Variants in SLCO3A1 observed in about 807,000 individuals in gnomAD.
SLCO3A1 encodes the protein PGE1 transporter.
SLCO3A1 carries 27 observed loss-of-function variants against 63.1 expected under a neutral mutation model. The observed-to-expected ratio is 0.43, with a 90% CI of 0.32 to 0.59. The LOEUF is 0.59. Among genes scored for constraint, SLCO3A1 ranks in the 20% least tolerant of loss-of-function variants. The probability of loss-of-function intolerance (pLI) is 0.09; values close to 1 mark genes in which losing one functional copy is unlikely to be tolerated. For synonymous variants in SLCO3A1, 473 were observed against 409.9 expected (o/e 1.15, Z -1.86); for missense variants, 773 against 945.8 (o/e 0.82, Z 2.40).
intron 4 of SLCO3A1, among the ~76,000 whole-genome samples, chr15:92,112,855 G>A (rs1010679756): frequency 5.3e-5 from 8 of 152,278 alleles, no homozygotes; most frequent in Admixed American, 6.5e-5. Context: ...TATGTCCATC[G>A]GGTATTTCAC....
chr15:91,994,673 T>C (rs1475975513), intron 2 of SLCO3A1, among the ~76,000 whole-genome samples: 1 of 150,852 alleles, frequency 6.6e-6, no homozygotes, highest in Non-Finnish European at 1.5e-5. Flanking sequence ...AATCACTTAT[T>C]GGAGCTTCTG....
rs148884537 is a variant in SLCO3A1 at position 91,954,186 on chromosome 15, G to T, written c.646+37728G>T. On this transcript the variant is annotated intron_variant, in intron 2 of 9. Coordinates refer to ENST00000318445, the MANE Select transcript of SLCO3A1 (RefSeq NM_013272.4). This position sits in a 1 kb window ranked among gnomAD's most constrained non-coding sequence, Gnocchi z 4.7. Reference sequence around the variant, plus strand: ...CTCCTAGACCTCTCTGCTCAAGGGTGTTAGAGACAGACCCCTAGGGGTTTC... The same window carrying T: ...CTCCTAGACCTCTCTGCTCAAGGGTTTTAGAGACAGACCCCTAGGGGTTTC... Among the ~76,000 whole-genome samples the T allele has an allele frequency of 3.8e-3, 576 of 152,338 alleles. 1 individual carries two copies. The highest frequency in any genetic ancestry group is 0.013 in the African/African-American group (545 of 41,584).
At chr15:91,926,601 G>A (rs769306719) in intron 2 of SLCO3A1, among the ~76,000 whole-genome samples, 21 of 148,006 alleles carry the variant, frequency 1.4e-4, no homozygotes, top group Admixed American at 1.0e-3. Context: ...GTGTGTGCGC[G>A]CGCGCACGCC....
rs555102852 is a variant in SLCO3A1, at chr15:92,088,022, C to G, written c.647-6859C>G. Among the ~76,000 whole-genome samples, 11 of 152,230 alleles carry G rather than the reference C, an allele frequency of 7.2e-5. No homozygotes were observed. In the East Asian group the frequency reaches 2.1e-3, roughly 29 times the overall value. ...CGAGTGGGAGAGTCCACAGCACAGA[C>G]AGAGACATCTGCAGAGGGACTTGGG... On this transcript the variant is annotated intron_variant, in intron 2 of 9. Transcript: ENST00000318445.
At chr15:92,052,487 G>T (rs2135853) in intron 2 of SLCO3A1, among the ~76,000 whole-genome samples, 117,052 of 152,054 alleles carry the variant, frequency 0.77, 45,297 homozygotes, top group Admixed American at 0.87. Context: ...GCCAGGCTAG[G>T]GAAAGAGTTC....
At position 92,027,211 on chromosome 15, in the gene SLCO3A1, G is replaced by T. The variant is rs559367775; in HGVS notation, c.647-67670G>T. On this transcript the variant is annotated intron_variant, in intron 2 of 9. Coordinates refer to ENST00000318445, the MANE Select transcript of SLCO3A1 (RefSeq NM_013272.4). ...AAGCCAAATAATGCATTACATTTTTGATAGGGTCGGTATTGTGACAATAAA... is the reference window on the plus strand; with the variant it reads ...AAGCCAAATAATGCATTACATTTTTTATAGGGTCGGTATTGTGACAATAAA... Among the ~76,000 whole-genome samples the T allele has an allele frequency of 1.2e-4, 18 of 152,246 alleles. No individual in the cohort carries two copies. The South Asian group carries it at 3.1e-3, about 26-fold the overall frequency.
chr15:92,047,594 ATATATAAT>A (rs1234993123), intron 2 of SLCO3A1, among the ~76,000 whole-genome samples: 1 of 8,510 alleles, frequency 1.2e-4, no homozygotes, highest in African/African-American at 9.0e-4. Flanking sequence ...TATATATATA[ATATATAAT>A]ATATATATAA....
intron 2 of SLCO3A1, among the ~76,000 whole-genome samples, chr15:91,990,709 A>G (rs1038036036): frequency 3.3e-5 from 5 of 151,714 alleles, no homozygotes; most frequent in African/African-American, 9.7e-5. Context: ...GCCTTTCCAG[A>G]TATTTTCTCT....
chr15:91,935,099 G>A (rs897078358), intron 2 of SLCO3A1, among the ~76,000 whole-genome samples: 6 of 152,122 alleles, frequency 3.9e-5, no homozygotes, highest in Admixed American at 1.3e-4. Flanking sequence ...GGCTACAGCC[G>A]TGTGCCACCA....
chr15:92,067,373 G>C (rs771756392), intron 2 of SLCO3A1, among the ~76,000 whole-genome samples: 1 of 152,026 alleles, frequency 6.6e-6, no homozygotes, highest in Non-Finnish European at 1.5e-5. Context: ...CAGCCCTCAC[G>C]TAGGTCATGT....
chr15:91,973,095 C>T (rs1372317168), intron 2 of SLCO3A1, among the ~76,000 whole-genome samples: 2 of 152,196 alleles, frequency 1.3e-5, no homozygotes, highest in Non-Finnish European at 1.5e-5. Flanking sequence ...AGTCTGGCAA[C>T]AGAGCAAGAC....
intron 1 of SLCO3A1, among the ~76,000 whole-genome samples, chr15:91,858,861 T>G (rs1896986199): frequency 6.6e-6 from 1 of 152,192 alleles, no homozygotes. Flanking sequence ...TCTTAGCAGA[T>G]TGGCCTGGAT....
rs1238272940 is a variant in SLCO3A1 at position 91,931,473 on chromosome 15, C to T, written c.646+15015C>T. 7.0e-5 allele frequency among the ~76,000 whole-genome samples: 10 copies of T among 142,764 alleles called. No individual in the cohort carries two copies. The East Asian group carries it at 1.4e-3, about 21-fold the overall frequency. The allele number at this position is 142,764 out of a possible 152,430, so 93.7% of individuals were successfully genotyped here. On this transcript the variant is annotated intron_variant, in intron 2 of 9. Coordinates refer to ENST00000318445, the MANE Select transcript of SLCO3A1 (RefSeq NM_013272.4). ...CCCTGCTTCTTCTGCTGGGTTGTAT[C>T]TTTTTTTTTTTTTTTGAGACAGAGT...
chr15:91,894,624 A>T lies in SLCO3A1; in HGVS notation c.181-21369A>T, dbSNP rs1897957572. Among the ~76,000 whole-genome samples the T allele has an allele frequency of 6.6e-6, 1 of 152,186 alleles. No homozygotes were observed. The highest frequency in any genetic ancestry group is 1.5e-5 in the Non-Finnish European group (1 of 68,018). On this transcript the variant is annotated intron_variant, in intron 1 of 9. Transcript: ENST00000318445. The surrounding 1 kb of genome is among the most constrained non-coding windows in gnomAD (Gnocchi z 4.8). ...TGGGGCTGAAGACCCGTGTAGCCCG[A>T]GGCAGCATTTTTGACTTGAATGTTC...
intron 1 of SLCO3A1, among the ~76,000 whole-genome samples, chr15:91,903,710 C>T (rs942202467): frequency 1.5e-4 from 23 of 152,170 alleles, no homozygotes; most frequent in African/African-American, 5.5e-4. Context: ...GCTTAGCCAC[C>T]ACGTGTCCAG....
In SLCO3A1 at chr15:91,853,992, A is replaced by G; in HGVS notation, c.84A>G (p.Lys28=). 1.3e-6 allele frequency: 2 copies of G among 1,538,372 alleles called. No individual in the cohort carries two copies. Among genetic ancestry groups the G allele is most frequent in the Non-Finnish European group, 1.8e-6 (2 of 1,141,896 alleles). Residue 28 remains lysine, a synonymous_variant, in exon 1 of 10, where the codon AAA becomes AAG. Coordinates refer to ENST00000318445, the MANE Select transcript of SLCO3A1 (RefSeq NM_013272.4). Reference sequence around the variant, plus strand: ...GGGACGAGGCGCAGAGGAACAAGAAAAAGAAAAAGAAGGTGTCCTGCTTTT... The same window carrying G: ...GGGACGAGGCGCAGAGGAACAAGAAGAAGAAAAAGAAGGTGTCCTGCTTTT... ...LQGDEAQRNK[K]KKKKVSCFSN...
chr15:91,883,531 C>T lies in SLCO3A1; in HGVS notation c.180+29443C>T, dbSNP rs1040294488. Among the ~76,000 whole-genome samples the T allele has an allele frequency of 2.0e-5, 3 of 152,154 alleles. No individual in the cohort carries two copies. Among genetic ancestry groups the T allele is most frequent in the Non-Finnish European group, 4.4e-5 (3 of 68,036 alleles). ...GCATTTTCTTGCATGCAGTAGTCTT[C>T]CATAGGGAGTTCTACCTCTCAGGTA... On this transcript the variant is annotated intron_variant, in intron 1 of 9. Coordinates refer to ENST00000318445, the MANE Select transcript of SLCO3A1 (RefSeq NM_013272.4). The surrounding 1 kb of genome is among the most constrained non-coding windows in gnomAD (Gnocchi z 4.8).
chr15:92,119,555 G>A (rs896229097), intron 4 of SLCO3A1, among the ~76,000 whole-genome samples: 1 of 152,182 alleles, frequency 6.6e-6, no homozygotes. Flanking sequence ...TCTACAGGCA[G>A]AGCATTCTTG....
intron 2 of SLCO3A1, among the ~76,000 whole-genome samples, chr15:92,081,146 G>A (rs1021492151): frequency 7.2e-5 from 11 of 151,954 alleles, no homozygotes; most frequent in Admixed American, 2.6e-4. Flanking sequence ...ATAAATTACT[G>A]TTGACTGTAG....
Sources: allele counts gnomAD v4.1 joint callset (sites outside exome capture counted in the v4.1 genomes callset), GRCh38; gene constraint gnomAD v4.1.1; non-coding constraint Gnocchi (gnomAD v3.1); transcripts MANE v1.5; gene names NCBI Gene and HGNC (gene_info 2026-07-23, HGNC 2026-07-21).